The following RP2 variants were observed in gnomAD, a reference collection of about 807,000 sequenced individuals.
The protein encoded by RP2 is protein XRP2.
Under a neutral mutation model 20.3 loss-of-function variants are expected in RP2, and 3 were observed. The observed-to-expected ratio is 0.15, with a 90% CI of 0.07 to 0.38. The LOEUF is 0.38. Among genes scored for constraint, RP2 ranks in the 10% least tolerant of loss-of-function variants. The probability of loss-of-function intolerance (pLI) is 1.00; values close to 1 mark genes in which losing one functional copy is unlikely to be tolerated. For synonymous variants in RP2, 75 were observed against 94.8 expected (o/e 0.79, Z 1.22); for missense variants, 233 against 268.5 (o/e 0.87, Z 0.92).
chrX:46,855,310 G>A (rs782555537), intron 2 of RP2, among the ~76,000 whole-genome samples: 1 of 109,386 alleles, frequency 9.1e-6, no homozygotes, highest in South Asian at 4.0e-4. Flanking sequence ...GAGGTTAGGG[G>A]CTCCAGAAGC....
chrX:46,843,310 G>C lies in RP2; in HGVS notation c.102+6108G>C, dbSNP rs144765002. 6.8e-3 allele frequency among the ~76,000 whole-genome samples: 760 copies of C among 111,643 alleles called. 5 individuals are homozygous for C. The highest frequency in any genetic ancestry group is 0.024 in the African/African-American group (727 of 30,772). On this transcript the variant is annotated intron_variant, in intron 1 of 4. Coordinates refer to ENST00000218340, the MANE Select transcript of RP2 (RefSeq NM_006915.3). Reference sequence around the variant, plus strand: ...GCGTGAGCCACCGCGACTGGCCTATGTTTAACTTTTTGAGGAACTGCTAAA... The same window carrying C: ...GCGTGAGCCACCGCGACTGGCCTATCTTTAACTTTTTGAGGAACTGCTAAA...
intron 1 of RP2, 91 bp from the exon 2 acceptor site, chrX:46,853,385 C>G (rs1556318498): frequency 7.3e-6 from 6 of 816,657 alleles, no homozygotes; most frequent in Non-Finnish European, 1.1e-5. Context: ...TATTTCAGCA[C>G]TAAGAACTGT....
intron 1 of RP2, among the ~76,000 whole-genome samples, chrX:46,843,528 T>C (rs1924662649): frequency 8.9e-6 from 1 of 111,775 alleles, no homozygotes; most frequent in Non-Finnish European, 1.9e-5. Flanking sequence ...GCCCTCAGTT[T>C]CCTAAGATCC....
In RP2 at chrX:46,847,794, G is replaced by GTATA. The variant is rs1924774334; in HGVS notation, c.103-5681_103-5680insATAT. On this transcript the variant is annotated intron_variant, in intron 1 of 4. Transcript: ENST00000218340. ...TGTGTGTGTACATACACACATGTGT[G>GTATA]TGTGTATATATATACACACATATAT... Among the ~76,000 whole-genome samples the GTATA allele has an allele frequency of 3.1e-5, 3 of 96,110 alleles. No homozygotes were observed. The Admixed American group carries it at 3.3e-4, about 11-fold the overall frequency. The allele number at this position is 96,110 out of a possible 115,157, so 83.5% of individuals were successfully genotyped here. A position where few individuals can be genotyped will look rare whatever the true frequency, so the allele number is the denominator to read the frequency against.
chrX:46,867,347 C>T (rs1283169675), intron 3 of RP2, among the ~76,000 whole-genome samples: 1 of 112,735 alleles, frequency 8.9e-6, no homozygotes, highest in Admixed American at 9.4e-5. Flanking sequence ...GCGATCCGCC[C>T]GCCTCGGCCT....
intron 3 of RP2, among the ~76,000 whole-genome samples, chrX:46,866,207 G>T (rs1925170586): frequency 9.0e-6 from 1 of 111,504 alleles, no homozygotes; most frequent in Admixed American, 9.6e-5. Context: ...AGGAACGCTG[G>T]TTTCTTTTAT....
chrX:46,876,162 C>T lies in RP2; in HGVS notation c.884-1343C>T, dbSNP rs144906463. ...TGAGACATGGTCTCGCTCTGTTGTC[C>T]AGGCTAGAGTGCAGTGGCTTGATCA... is the stretch of plus-strand genomic sequence containing the variant. On this transcript the variant is annotated intron_variant, in intron 3 of 4. Transcript: ENST00000218340. 2.0e-4 allele frequency among the ~76,000 whole-genome samples: 22 copies of T among 110,033 alleles called. No individual in the cohort carries two copies. In the East Asian group the frequency reaches 5.7e-3, roughly 28 times the overall value.
At position 46,860,073 on chromosome X, in the gene RP2, C is replaced by T; in HGVS notation, c.854C>T (p.Ala285Val). The T allele has an allele frequency of 1.7e-6, 2 of 1,202,545 alleles. No homozygotes were observed. Among genetic ancestry groups the T allele is most frequent in the Non-Finnish European group, 1.1e-6 (1 of 888,304 alleles). Residue 285 changes from alanine (A) to valine (V), a missense_variant, in exon 3 of 5, where the codon GCA (alanine) becomes GTA (valine). Transcript: ENST00000218340. ...GCTCAAAGGGTTTTTCGGGAAAAAG[C>T]ACCTGACTTCCTTCCTCTTCTGAAC... ...EDAQRVFREK[A>V]PDFLPLLNKG...
intron 1 of RP2, among the ~76,000 whole-genome samples, chrX:46,841,436 C>G (rs923779226): frequency 3.6e-5 from 4 of 112,269 alleles, no homozygotes; most frequent in Non-Finnish European, 7.5e-5. Context: ...AGGGTTGACT[C>G]TGCTCAATGT....
At chrX:46,874,026 C>T (rs187210252) in intron 3 of RP2, among the ~76,000 whole-genome samples, 103 of 111,031 alleles carry the variant, frequency 9.3e-4, no homozygotes, top group Non-Finnish European at 1.6e-3. Context: ...TCTTCAGCTG[C>T]GTTCTAGGAA....
intron 3 of RP2, among the ~76,000 whole-genome samples, chrX:46,863,430 T>C (rs1925112482): frequency 8.9e-6 from 1 of 112,357 alleles, no homozygotes; most frequent in African/African-American, 3.2e-5. Flanking sequence ...ATTTTCAAAA[T>C]AAAAAGTTGG....
chrX:46,872,360 C>T (rs1419048615), intron 3 of RP2, among the ~76,000 whole-genome samples: 4 of 112,155 alleles, frequency 3.6e-5, no homozygotes, highest in African/African-American at 9.7e-5. Context: ...ATTATTGATA[C>T]AGTTGGATCA....
chrX:46,863,587 G>C (rs1556321147), intron 3 of RP2, among the ~76,000 whole-genome samples: 1 of 111,873 alleles, frequency 8.9e-6, no homozygotes. Context: ...TTTCTCAACT[G>C]TGGCACTACA....
intron 2 of RP2, among the ~76,000 whole-genome samples, chrX:46,859,488 C>CA (rs782748761): frequency 0.011 from 722 of 66,858 alleles, 5 homozygotes; most frequent in African/African-American, 0.03. Flanking sequence ...CACCCTATCT[C>CA]AAAAAAAAAA....
chrX:46,847,755 TATATACACACATGTGTGTGTGTAC>T (rs1453476221), intron 1 of RP2, among the ~76,000 whole-genome samples: 3 of 87,294 alleles, frequency 3.4e-5, no homozygotes, highest in African/African-American at 1.4e-4. Context: ...TGTGTGTGTG[TATATACACACATGTGTGTGTGTAC>T]ATACACACAT....
chrX:46,847,722 G>GTGTGTGTGTATATACACACA lies in RP2; in HGVS notation c.103-5752_103-5733dup, dbSNP rs1924749120. Among the ~76,000 whole-genome samples, 5 of 73,521 alleles carry GTGTGTGTGTATATACACACA rather than the reference G, an allele frequency of 6.8e-5. No individual in the cohort carries two copies. In the East Asian group the frequency reaches 1.7e-3, roughly 25 times the overall value. The allele number at this position is 73,521 out of a possible 115,157, so 63.8% of individuals were successfully genotyped here. A position where few individuals can be genotyped will look rare whatever the true frequency, so the allele number is the denominator to read the frequency against. On this transcript the variant is annotated intron_variant, in intron 1 of 4. Transcript: ENST00000218340. ...TGTGTGTATATATACACACATATAT[G>GTGTGTGTGTATATACACACA]TGTGTGTGTATATACACACATATGT...
At chrX:46,845,718 C>T (rs1378520879) in intron 1 of RP2, among the ~76,000 whole-genome samples, 1 of 111,426 alleles carries the variant, frequency 9.0e-6, no homozygotes, top group Non-Finnish European at 1.9e-5. Flanking sequence ...TGGCTTCTTT[C>T]ACTTAACCAT....
intron 2 of RP2, among the ~76,000 whole-genome samples, chrX:46,857,430 G>C (rs781959772): frequency 9.0e-6 from 1 of 111,280 alleles, no homozygotes; most frequent in Non-Finnish European, 1.9e-5. Context: ...CGTGGTGGTG[G>C]GTGCTTGTAA....
intron 1 of RP2, among the ~76,000 whole-genome samples, chrX:46,847,890 G>T (rs782425142): frequency 1.1e-5 from 1 of 89,219 alleles, no homozygotes; most frequent in South Asian, 5.5e-4. Flanking sequence ...GCATATATAT[G>T]CGTATATACA....
Sources: allele counts gnomAD v4.1 joint callset (sites outside exome capture counted in the v4.1 genomes callset), GRCh38; gene constraint gnomAD v4.1.1; transcripts MANE v1.5; gene names NCBI Gene and HGNC (gene_info 2026-07-23, HGNC 2026-07-21).